Variants in DLC1 observed in about 807,000 individuals in gnomAD.
DLC1 encodes rho GTPase-activating protein 7.
Under a neutral mutation model 140.3 loss-of-function variants are expected in DLC1, and 54 were observed. The ratio of observed to expected loss-of-function variants is 0.38; its 90% CI spans 0.31 to 0.48. The LOEUF is 0.48. Ranked by LOEUF, DLC1 falls within the 20% of genes least tolerant of loss-of-function variation. The pLI, the probability that DLC1 is intolerant of heterozygous loss-of-function variation, is 0.96. For synonymous variants in DLC1, 986 were observed against 728.1 expected (o/e 1.35, Z -5.70); for missense variants, 2,536 against 1,907.0 (o/e 1.33, Z -6.14).
chr8:13,353,830 C>A (rs1254420334), intron 4 of DLC1, among the ~76,000 whole-genome samples: 1 of 151,164 alleles, frequency 6.6e-6, no homozygotes, highest in Non-Finnish European at 1.5e-5. Flanking sequence ...GCACTCCAGC[C>A]TGGGGGACAA....
In DLC1 at chr8:13,092,665, T is replaced by C. The variant is rs767895731; in HGVS notation, c.3687A>G (p.Leu1229=). The C allele has an allele frequency of 6.2e-7, 1 of 1,614,186 alleles. No homozygotes were observed. The highest frequency in any genetic ancestry group is 1.1e-5 in the South Asian group (1 of 91,086). Residue 1229 remains leucine, a synonymous_variant, in exon 13 of 18, where the codon TTA becomes TTG. Coordinates refer to ENST00000276297, the MANE Select transcript of DLC1 (RefSeq NM_182643.3). ...QMTPTNLAVC[L]APSLFHLNTL... ...TGTTGAGATGGAAGAGGGAAGGCGCTAAGCACACGGCCAGGTTGGTTGGGG... is the reference window on the plus strand; with the variant it reads ...TGTTGAGATGGAAGAGGGAAGGCGCCAAGCACACGGCCAGGTTGGTTGGGG...
chr8:13,091,281 A>G lies in DLC1; in HGVS notation c.3855+37T>C, dbSNP rs1457565850. 9 of 1,602,796 alleles carry G rather than the reference A, an allele frequency of 5.6e-6. No homozygotes were observed. The South Asian group carries it at 7.7e-5, about 14-fold the overall frequency. On this transcript the variant is annotated intron_variant, in intron 14 of 17. Coordinates refer to ENST00000276297, the MANE Select transcript of DLC1 (RefSeq NM_182643.3). ...CTAAGATTTTGTACCTATTCACATT[A>G]TCCTTAATAAAGGAGCCAAACTTCT...
intron 2 of DLC1, among the ~76,000 whole-genome samples, chr8:13,491,452 T>C (rs1801236040): frequency 6.6e-6 from 1 of 152,104 alleles, no homozygotes; most frequent in African/African-American, 2.4e-5. Flanking sequence ...CACATATACT[T>C]TTGTGTTAAT....
intron 2 of DLC1, among the ~76,000 whole-genome samples, chr8:13,453,552 ATATAT>A (rs1239658368): frequency 1.3e-5 from 1 of 75,800 alleles, no homozygotes; most frequent in Non-Finnish European, 2.2e-5. Context: ...ATATATATAT[ATATAT>A]TTTTTTTTTT....
intron 4 of DLC1, among the ~76,000 whole-genome samples, chr8:13,322,515 G>C (rs1833166215): frequency 6.6e-6 from 1 of 151,940 alleles, no homozygotes; most frequent in Non-Finnish European, 1.5e-5. Context: ...CTCAGCTGAG[G>C]ATTTAAACTG....
chr8:13,173,619 C>T lies in DLC1; in HGVS notation c.1349-57962G>A, dbSNP rs574918092. Among the ~76,000 whole-genome samples the T allele has an allele frequency of 2.0e-4, 31 of 152,314 alleles. 1 individual carries two copies. In the South Asian group the frequency reaches 2.9e-3, roughly 14 times the overall value. On this transcript the variant is annotated intron_variant, in intron 5 of 17. Coordinates refer to ENST00000276297, the MANE Select transcript of DLC1 (RefSeq NM_182643.3). ...TCTCCTGACCTCATAATCCGCCCAC[C>T]TTGGCCTTCCAAAGTGCTGAGATTA...
chr8:13,593,245 C>T (rs1320919139), intron 1 of DLC1, among the ~76,000 whole-genome samples: 2 of 152,078 alleles, frequency 1.3e-5, no homozygotes, highest in Non-Finnish European at 2.9e-5. Context: ...CCTTTGGTTT[C>T]TTTATCAGCA....
intron 5 of DLC1, among the ~76,000 whole-genome samples, chr8:13,263,706 T>G (rs1830561770): frequency 6.6e-6 from 1 of 151,568 alleles, no homozygotes; most frequent in Non-Finnish European, 1.5e-5. Flanking sequence ...CATTTTTATT[T>G]TTATGTTTTT....
At chr8:13,212,892 C>G (rs961823457) in intron 5 of DLC1, among the ~76,000 whole-genome samples, 1 of 152,170 alleles carries the variant, frequency 6.6e-6, no homozygotes, top group Non-Finnish European at 1.5e-5. Context: ...AGCTTTCACT[C>G]TTTTCATTTG....
intron 4 of DLC1, among the ~76,000 whole-genome samples, chr8:13,320,668 G>A (rs1260889372): frequency 1.3e-5 from 2 of 152,014 alleles, no homozygotes; most frequent in African/African-American, 4.8e-5. Context: ...GCTCTCCTTG[G>A]GGGTGGGTGG....
intron 10 of DLC1, among the ~76,000 whole-genome samples, chr8:13,097,829 C>T (rs1818632716): frequency 6.6e-6 from 1 of 151,952 alleles, no homozygotes; most frequent in Non-Finnish European, 1.5e-5. Context: ...TCAATCAACC[C>T]ACCCACGCTG....
intron 1 of DLC1, among the ~76,000 whole-genome samples, chr8:13,602,447 G>C (rs1805919961): frequency 1.3e-5 from 2 of 151,704 alleles, no homozygotes; most frequent in African/African-American, 4.8e-5. Flanking sequence ...ATTTAAAGAA[G>C]AGAGCTTACC....
At chr8:13,276,332 A>T in intron 5 of DLC1, 1 of 1,531,260 alleles carries the variant, frequency 6.5e-7, no homozygotes, top group South Asian at 1.2e-5. Flanking sequence ...CCCTGATGTG[A>T]TCGCTAAAGG....
At chr8:13,522,383 G>C (rs1802791013) in intron 1 of DLC1, among the ~76,000 whole-genome samples, 1 of 152,098 alleles carries the variant, frequency 6.6e-6, no homozygotes, top group African/African-American at 2.4e-5. Flanking sequence ...CCAGCACTTT[G>C]GGAGGCTGAG....
chr8:13,425,121 G>GT (rs1377332994), intron 2 of DLC1, among the ~76,000 whole-genome samples: 4 of 146,696 alleles, frequency 2.7e-5, no homozygotes, highest in African/African-American at 7.7e-5. Flanking sequence ...ACAATGTGCA[G>GT]TAAAAAAAAA....
intron 2 of DLC1, among the ~76,000 whole-genome samples, chr8:13,445,563 A>T (rs934873268): frequency 1.4e-4 from 22 of 152,224 alleles, no homozygotes; most frequent in African/African-American, 3.1e-4. Context: ...TAGAATAATC[A>T]AAAAGAGCAG....
intron 1 of DLC1, among the ~76,000 whole-genome samples, chr8:13,578,608 C>T (rs1585295650): frequency 6.6e-6 from 1 of 152,258 alleles, no homozygotes; most frequent in East Asian, 1.9e-4. Context: ...CCAGGGTTCC[C>T]AGGACCCTCT....
chr8:13,571,455 A>G (rs1298233924), intron 1 of DLC1, among the ~76,000 whole-genome samples: 1 of 152,190 alleles, frequency 6.6e-6, no homozygotes, highest in African/African-American at 2.4e-5. Flanking sequence ...TATCAGTGCA[A>G]TCATGCAGTC....
At chr8:13,328,997 G>A (rs1833484708) in intron 4 of DLC1, among the ~76,000 whole-genome samples, 1 of 152,210 alleles carries the variant, frequency 6.6e-6, no homozygotes, top group South Asian at 2.1e-4. Flanking sequence ...ATCAGAGTGA[G>A]TTGAAGAGGA....
Sources: gnomAD v4.1 joint callset for allele counts (sites outside exome capture counted in the v4.1 genomes callset) on GRCh38, gnomAD v4.1.1 for gene constraint, MANE v1.5 for transcripts, NCBI Gene and HGNC (gene_info 2026-07-23, HGNC 2026-07-21) for gene names.